The following ALCAM variants were observed in gnomAD, a reference collection of about 807,000 sequenced individuals.
The protein encoded by ALCAM is CD166 antigen.
ALCAM carries 30 observed loss-of-function variants against 70.9 expected under a neutral mutation model. The ratio of observed to expected loss-of-function variants is 0.42; its 90% CI spans 0.32 to 0.57. The LOEUF is 0.57. Among genes scored for constraint, ALCAM ranks in the 20% least tolerant of loss-of-function variants. The probability of loss-of-function intolerance (pLI) is 0.11; values close to 1 mark genes in which losing one functional copy is unlikely to be tolerated. For synonymous variants in ALCAM, 249 were observed against 242.5 expected (o/e 1.03, Z -0.25); for missense variants, 591 against 695.1 (o/e 0.85, Z 1.68).
rs1576250677 is a variant in ALCAM, at chr3:105,574,875, T to C, written c.*424T>C. 6.5e-6 allele frequency: 1 copy of C among 152,738 alleles called. No individual in the cohort carries two copies. The allele number at this position is 152,738 out of a possible 1,614,324, so 9.5% of individuals were successfully genotyped here. On this transcript the variant is annotated 3_prime_UTR_variant, in exon 16 of 16. Coordinates refer to ENST00000306107, the MANE Select transcript of ALCAM (RefSeq NM_001627.4). ...TGTTTATATGGATAATCTGAGCAGG[T>C]ACATTTCTGATTCTGATTGCTATCA...
chr3:105,473,452 A>G (rs947648703), intron 1 of ALCAM, among the ~76,000 whole-genome samples: 3 of 151,610 alleles, frequency 2.0e-5, no homozygotes, highest in African/African-American at 7.3e-5. Context: ...AGATCCTTAC[A>G]AACTATAACT....
chr3:105,533,511 G>GTGTTATTATTCT, intron 4 of ALCAM, 92 bp from the exon 5 acceptor site: 1 of 1,028,334 alleles, frequency 9.7e-7, no homozygotes, highest in Non-Finnish European at 1.5e-6. Context: ...AGAAACCCTT[G>GTGTTATTATTCT]GAATAACTCT....
intron 1 of ALCAM, among the ~76,000 whole-genome samples, chr3:105,457,401 G>C (rs1172893033): frequency 6.6e-6 from 1 of 152,042 alleles, no homozygotes; most frequent in Non-Finnish European, 1.5e-5. Flanking sequence ...GGGCCTATTA[G>C]AAGGAGGAGG....
At chr3:105,466,180 A>C (rs962054955) in intron 1 of ALCAM, among the ~76,000 whole-genome samples, 2 of 151,468 alleles carry the variant, frequency 1.3e-5, no homozygotes, top group Non-Finnish European at 3.0e-5. Context: ...TTAACTGCTC[A>C]ACAATTTGGA....
intron 14 of ALCAM, among the ~76,000 whole-genome samples, chr3:105,558,249 A>G (rs1940560154): frequency 6.6e-6 from 1 of 152,120 alleles, no homozygotes; most frequent in African/African-American, 2.4e-5. Context: ...TCCTCTAACT[A>G]GCAAGAAATA....
intron 1 of ALCAM, among the ~76,000 whole-genome samples, chr3:105,442,433 C>A (rs1014911333): frequency 2.0e-5 from 3 of 151,900 alleles, no homozygotes; most frequent in Non-Finnish European, 4.4e-5. Context: ...AGAAAAATAT[C>A]AAATATTTGA....
intron 1 of ALCAM, among the ~76,000 whole-genome samples, chr3:105,463,474 A>G (rs1223638719): frequency 2.0e-5 from 3 of 151,520 alleles, no homozygotes; most frequent in Non-Finnish European, 4.4e-5. Flanking sequence ...AGAATTTTCT[A>G]CAGTGAGAAA....
intron 1 of ALCAM, among the ~76,000 whole-genome samples, chr3:105,437,924 T>C (rs1457875115): frequency 6.6e-6 from 1 of 152,150 alleles, no homozygotes; most frequent in African/African-American, 2.4e-5. Flanking sequence ...ATCTTAAATT[T>C]AGGCCACATT....
At chr3:105,552,675 A>G (rs191755536) in intron 14 of ALCAM, 90 bp downstream of exon 14, 1 of 1,592,474 alleles carries the variant, frequency 6.3e-7, no homozygotes, top group African/African-American at 1.4e-5. Flanking sequence ...AGTCGTGCAT[A>G]TAATTTATAC....
intron 1 of ALCAM, among the ~76,000 whole-genome samples, chr3:105,437,857 T>A (rs879676821): frequency 6.6e-6 from 1 of 152,104 alleles, no homozygotes; most frequent in East Asian, 1.9e-4. Flanking sequence ...TAGCTATAAA[T>A]AAGAAGAGAT....
chr3:105,372,075 T>C (rs550563323), intron 1 of ALCAM, among the ~76,000 whole-genome samples: 2 of 152,248 alleles, frequency 1.3e-5, no homozygotes, highest in South Asian at 4.1e-4. Flanking sequence ...TTCAACTCAG[T>C]TTATTTTCAA....
At chr3:105,527,479 A>G (rs1331242612) in intron 3 of ALCAM, among the ~76,000 whole-genome samples, 3 of 152,128 alleles carry the variant, frequency 2.0e-5, no homozygotes, top group Admixed American at 2.0e-4. Flanking sequence ...TTCTGATGCT[A>G]GGATCTTGTT....
In ALCAM at chr3:105,515,647, G is replaced by T. The variant is rs183041573; in HGVS notation, c.74-4420G>T. ...CTGTCATCTAATGGGTAGAGGCAAGGCTACTGCTAAACATCCTGTAATATA... is the reference window on the plus strand; with the variant it reads ...CTGTCATCTAATGGGTAGAGGCAAGTCTACTGCTAAACATCCTGTAATATA... On this transcript the variant is annotated intron_variant, in intron 1 of 15. Coordinates refer to ENST00000306107, the MANE Select transcript of ALCAM (RefSeq NM_001627.4). Among the ~76,000 whole-genome samples the T allele has an allele frequency of 5.3e-5, 8 of 152,020 alleles. No homozygotes were observed. The East Asian group carries it at 1.5e-3, about 29-fold the overall frequency.
At chr3:105,476,301 C>T (rs1380092460) in intron 1 of ALCAM, among the ~76,000 whole-genome samples, 3 of 152,076 alleles carry the variant, frequency 2.0e-5, no homozygotes, top group Non-Finnish European at 2.9e-5. Context: ...CAGCTCTCTT[C>T]TTCCTCTAAA....
chr3:105,402,550 G>A (rs1437250304), intron 1 of ALCAM, among the ~76,000 whole-genome samples: 1 of 152,214 alleles, frequency 6.6e-6, no homozygotes, highest in Non-Finnish European at 1.5e-5. Flanking sequence ...GGGGCATGGT[G>A]GGAGTGAGAC....
intron 6 of ALCAM, among the ~76,000 whole-genome samples, chr3:105,539,614 C>A (rs1213321691): frequency 6.6e-6 from 1 of 152,022 alleles, no homozygotes; most frequent in African/African-American, 2.4e-5. Flanking sequence ...TTTTGTCCTT[C>A]CAAACTATAA....
intron 1 of ALCAM, among the ~76,000 whole-genome samples, chr3:105,518,283 G>A (rs771965761): frequency 1.3e-5 from 2 of 152,048 alleles, no homozygotes; most frequent in Non-Finnish European, 2.9e-5. Context: ...ATAAATTAAG[G>A]TATAGAGATG....
chr3:105,504,919 A>T (rs9843918), intron 1 of ALCAM, among the ~76,000 whole-genome samples: 87,031 of 152,004 alleles, frequency 0.57, 25,122 homozygotes, highest in Admixed American at 0.64. Flanking sequence ...GCTCTTCCCT[A>T]CCCAGCACTT....
intron 1 of ALCAM, among the ~76,000 whole-genome samples, chr3:105,449,499 T>A (rs1242291721): frequency 6.6e-6 from 1 of 152,226 alleles, no homozygotes; most frequent in Non-Finnish European, 1.5e-5. Flanking sequence ...ATGCATAATT[T>A]ATCTCTGAAG....
Sources: gnomAD v4.1 joint callset for allele counts (sites outside exome capture counted in the v4.1 genomes callset) on GRCh38, gnomAD v4.1.1 for gene constraint, MANE v1.5 for transcripts, NCBI Gene and HGNC (gene_info 2026-07-23, HGNC 2026-07-21) for gene names.